Variants in CSMD3 observed in about 807,000 individuals in gnomAD.
The protein encoded by CSMD3 is CUB and Sushi multiple domains 3.
A neutral mutation model predicts 435.2 loss-of-function variants in CSMD3; 177 were observed. The observed-to-expected ratio is 0.41, with a 90% CI of 0.36 to 0.46. CSMD3 has a LOEUF of 0.46. Ranked by LOEUF, CSMD3 falls within the 20% of genes least tolerant of loss-of-function variation. The pLI, the probability that CSMD3 is intolerant of heterozygous loss-of-function variation, is 0.34. For missense variants in CSMD3, 4,265 were observed against 4,504.6 expected (o/e 0.95, Z 1.52); for synonymous variants, 1,656 against 1,520.5 (o/e 1.09, Z -2.07).
At chr8:112,496,181 G>T (rs1821323977) in intron 30 of CSMD3, among the ~76,000 whole-genome samples, 1 of 152,080 alleles carries the variant, frequency 6.6e-6, no homozygotes. Context: ...AGGTTAGCCA[G>T]GATGGTCTTG....
At chr8:113,293,494 T>C (rs1024649018) in intron 2 of CSMD3, among the ~76,000 whole-genome samples, 5 of 152,090 alleles carry the variant, frequency 3.3e-5, no homozygotes, top group Admixed American at 6.6e-5. Context: ...TCCCCATCTA[T>C]AGGGTGAGCA....
intron 27 of CSMD3, among the ~76,000 whole-genome samples, chr8:112,545,972 T>C (rs1827146602): frequency 6.6e-6 from 1 of 152,200 alleles, no homozygotes; most frequent in South Asian, 2.1e-4. Context: ...TAAGTAATTC[T>C]GTCTAGTAGT....
chr8:113,067,373 A>T (rs1323032701), intron 5 of CSMD3, among the ~76,000 whole-genome samples: 1 of 152,128 alleles, frequency 6.6e-6, no homozygotes, highest in Non-Finnish European at 1.5e-5. Flanking sequence ...CATAATTATC[A>T]ATCCTACTGA....
At chr8:112,409,129 A>T in intron 32 of CSMD3, 97 bp from the exon 33 acceptor site, 2 of 1,547,310 alleles carry the variant, frequency 1.3e-6, no homozygotes, top group Non-Finnish European at 1.8e-6. Context: ...AGAGAGAACA[A>T]AGTATTACAA....
At chr8:113,233,301 G>A (rs2093110504) in intron 3 of CSMD3, among the ~76,000 whole-genome samples, 1 of 151,258 alleles carries the variant, frequency 6.6e-6, no homozygotes, top group Non-Finnish European at 1.5e-5. Context: ...CATAGTTGAT[G>A]CTATTGTGTC....
chr8:112,613,710 T>C (rs1833442901), intron 22 of CSMD3, among the ~76,000 whole-genome samples: 1 of 152,134 alleles, frequency 6.6e-6, no homozygotes, highest in Non-Finnish European at 1.5e-5. Flanking sequence ...TACCAAACAC[T>C]ATGCTCTGTG....
intron 8 of CSMD3, among the ~76,000 whole-genome samples, chr8:112,950,101 C>A (rs1012388793): frequency 6.6e-6 from 1 of 150,976 alleles, no homozygotes; most frequent in Non-Finnish European, 1.5e-5. Context: ...TTTCACATAC[C>A]TTTAGTTATC....
At position 112,430,912 on chromosome 8, in the gene CSMD3, G is replaced by A. The variant is rs555368233; in HGVS notation, c.5396-21880C>T. Among the ~76,000 whole-genome samples the A allele has an allele frequency of 8.4e-4, 127 of 151,886 alleles. 5 individuals are homozygous for A. The South Asian group carries it at 0.025, about 30-fold the overall frequency. ...TGTGTGTATATGTGTGTGTGTGTGTGTGTGTGTGTTTACTTTCACTTGAGG... is the reference window on the plus strand; with the variant it reads ...TGTGTGTATATGTGTGTGTGTGTGTATGTGTGTGTTTACTTTCACTTGAGG... On this transcript the variant is annotated intron_variant, in intron 32 of 70. Transcript: ENST00000297405.
intron 4 of CSMD3, among the ~76,000 whole-genome samples, chr8:113,130,485 T>C (rs1270788182): frequency 6.6e-6 from 1 of 152,148 alleles, no homozygotes; most frequent in Non-Finnish European, 1.5e-5. Flanking sequence ...TTGCTTCCCC[T>C]TCACCTTCTG....
intron 6 of CSMD3, among the ~76,000 whole-genome samples, chr8:113,011,251 C>T (rs2086245145): frequency 6.6e-6 from 1 of 151,680 alleles, no homozygotes; most frequent in Non-Finnish European, 1.5e-5. Context: ...ATTCTAAACA[C>T]AGTTATATGG....
rs769750225 is a variant in CSMD3 at position 112,573,605 on chromosome 8, G to T, written c.3938C>A (p.Ala1313Glu). The change falls in exon 24 of 71, where the codon GCA becomes GAA. Residue 1313 changes from alanine to glutamate, a missense_variant. Ala to Glu is a moderately radical substitution (Grantham distance 107). Transcript: ENST00000297405. Reference sequence around the variant, plus strand: ...ACTAAGTGTCAGTCCGCGCATAGATGCACCAGTAAAAGCACCTAGTAGATG... The same window carrying T: ...ACTAAGTGTCAGTCCGCGCATAGATTCACCAGTAAAAGCACCTAGTAGATG... ...TTHLLGAFTG[A>E]SMRGLTLSST... 1.9e-6 allele frequency: 3 copies of T among 1,612,810 alleles called. No homozygotes were observed. The East Asian group carries it at 6.7e-5, about 36-fold the overall frequency.
At chr8:113,121,714 C>G (rs1395689571) in intron 4 of CSMD3, among the ~76,000 whole-genome samples, 2 of 151,984 alleles carry the variant, frequency 1.3e-5, no homozygotes, top group Non-Finnish European at 2.9e-5. Context: ...TTCTATCACA[C>G]AGTTAGACAG....
intron 5 of CSMD3, among the ~76,000 whole-genome samples, chr8:113,048,627 T>C (rs561552807): frequency 1.6e-4 from 25 of 152,318 alleles, no homozygotes; most frequent in Middle Eastern, 3.4e-3. Flanking sequence ...TATAATATTT[T>C]ATTAAACATG....
At chr8:113,390,542 C>G (rs545655942) in intron 1 of CSMD3, among the ~76,000 whole-genome samples, 21 of 151,848 alleles carry the variant, frequency 1.4e-4, no homozygotes, top group South Asian at 8.3e-4. Context: ...TTTCTTCCAT[C>G]ACTAGGTTGT....
intron 13 of CSMD3, among the ~76,000 whole-genome samples, chr8:112,754,529 C>A (rs1373021973): frequency 6.6e-6 from 1 of 151,690 alleles, no homozygotes; most frequent in Non-Finnish European, 1.5e-5. Context: ...AACAGGAAAA[C>A]AGAAACTTTT....
chr8:113,162,053 A>G (rs2092051085), intron 4 of CSMD3, among the ~76,000 whole-genome samples: 1 of 152,156 alleles, frequency 6.6e-6, no homozygotes, highest in South Asian at 2.1e-4. Context: ...AAAGACAAGG[A>G]AAGATTACTA....
chr8:112,588,251 GACA>G (rs1830896510), intron 22 of CSMD3, among the ~76,000 whole-genome samples: 2 of 151,406 alleles, frequency 1.3e-5, no homozygotes, highest in East Asian at 1.9e-4. Context: ...GTCAGAGAAA[GACA>G]ACAAGGTGAA....
At chr8:112,257,043 A>G (rs975299396) in intron 61 of CSMD3, among the ~76,000 whole-genome samples, 2 of 152,230 alleles carry the variant, frequency 1.3e-5, no homozygotes, top group Non-Finnish European at 2.9e-5. Flanking sequence ...ACTACACGAT[A>G]AACTTGGATT....
rs965827458 is a variant in CSMD3, at chr8:112,530,863, G to A, written c.4565-13638C>T. Among the ~76,000 whole-genome samples, 6 of 152,148 alleles carry A rather than the reference G, an allele frequency of 3.9e-5. No individual in the cohort carries two copies. The South Asian group carries it at 1.0e-3, about 26-fold the overall frequency. On this transcript the variant is annotated intron_variant, in intron 27 of 70. Coordinates refer to ENST00000297405, the MANE Select transcript of CSMD3 (RefSeq NM_198123.2). ...GATAGAAATCTGTAGCCACAGCCACGGCAGAAGGGCTTAAGCCCTAGCTGA... is the reference window on the plus strand; with the variant it reads ...GATAGAAATCTGTAGCCACAGCCACAGCAGAAGGGCTTAAGCCCTAGCTGA...
Sources: gnomAD v4.1 joint callset for allele counts (sites outside exome capture counted in the v4.1 genomes callset) on GRCh38, gnomAD v4.1.1 for gene constraint, MANE v1.5 for transcripts, NCBI Gene and HGNC (gene_info 2026-07-23, HGNC 2026-07-21) for gene names.